The following ATIC variants were observed in gnomAD, a reference collection of about 807,000 sequenced individuals.
ATIC encodes the protein bifunctional purine biosynthesis protein ATIC.
A neutral mutation model predicts 72.5 loss-of-function variants in ATIC; 64 were observed. The ratio of observed to expected loss-of-function variants is 0.88; its 90% CI spans 0.72 to 1.09. ATIC has a LOEUF of 1.09. Among genes scored for constraint, ATIC ranks in the 50% least tolerant of loss-of-function variants. The pLI is 0.00. For synonymous variants in ATIC, 281 were observed against 267.1 expected, an observed-to-expected ratio of 1.05 and a Z score of -0.51; for missense variants, 787 against 732.4, an observed-to-expected ratio of 1.07 and a Z score of -0.86.
chr2:215,317,327 C>T (rs941043310), intron 2 of ATIC, among the ~76,000 whole-genome samples: 1 of 152,148 alleles, frequency 6.6e-6, no homozygotes, highest in Non-Finnish European at 1.5e-5. Flanking sequence ...GCATTCCTCA[C>T]ATATTTAATT....
At chr2:215,326,347 G>A (rs1221136124) in intron 6 of ATIC, among the ~76,000 whole-genome samples, 1 of 152,174 alleles carries the variant, frequency 6.6e-6, no homozygotes, top group African/African-American at 2.4e-5. Context: ...GCTCACGCCT[G>A]TAATCCTAGC....
intron 12 of ATIC, among the ~76,000 whole-genome samples, chr2:215,341,161 ATTC>A (rs2053014652): frequency 6.6e-6 from 1 of 152,210 alleles, no homozygotes; most frequent in Admixed American, 6.5e-5. Flanking sequence ...TTTAATGGAT[ATTC>A]TTTCATTTCT....
the ATIC span, chr2:215,362,130 C>T: frequency 7.3e-7 from 1 of 1,377,402 alleles, no homozygotes; most frequent in Non-Finnish European, 1.0e-6. Flanking sequence ...AACCTGAGGA[C>T]ATCGTAATTT....
intron 2 of ATIC, among the ~76,000 whole-genome samples, chr2:215,314,541 C>G (rs12995105): frequency 0.23 from 35,444 of 151,236 alleles, 5,107 homozygotes; most frequent in South Asian, 0.45. Context: ...TCTTGTTGCT[C>G]AGGCTGGAGT....
intron 2 of ATIC, among the ~76,000 whole-genome samples, chr2:215,315,772 G>T (rs992663798): frequency 1.3e-5 from 2 of 151,962 alleles, no homozygotes; most frequent in African/African-American, 4.8e-5. Flanking sequence ...CCAACATGGT[G>T]CAACTCCATC....
At chr2:215,363,840 A>G in the ATIC span, among the ~76,000 whole-genome samples, 1 of 152,190 alleles carries the variant, frequency 6.6e-6, no homozygotes, top group South Asian at 2.1e-4. Flanking sequence ...TACTGGGCAT[A>G]TTTTAGAAAT....
At chr2:215,349,498 A>C (rs759590504) in intron 15 of ATIC, 38 bp from the exon 16 acceptor site, 21 of 1,613,874 alleles carry the variant, frequency 1.3e-5, no homozygotes, top group Non-Finnish European at 1.6e-5. Flanking sequence ...AGGTTTTTAC[A>C]TAAAATCGCG....
intron 8 of ATIC, 144 bp from the exon 9 acceptor site, chr2:215,333,206 G>A (rs775474198): frequency 7.0e-6 from 5 of 714,952 alleles, no homozygotes; most frequent in Non-Finnish European, 2.5e-6. Flanking sequence ...TAATTATCTG[G>A]CTAAATAGAT....
At chr2:215,338,345 A>T (rs113476069) in intron 11 of ATIC, among the ~76,000 whole-genome samples, 187 of 152,350 alleles carry the variant, frequency 1.2e-3, no homozygotes, top group African/African-American at 4.3e-3. Flanking sequence ...ATTTTTAGAA[A>T]GGAAAATTAG....
At chr2:215,325,203 A>G in intron 4 of ATIC, 38 bp from the exon 5 acceptor site, 1 of 1,525,714 alleles carries the variant, frequency 6.6e-7, no homozygotes, top group Non-Finnish European at 9.1e-7. Context: ...ACATGAGTGG[A>G]CTTTTTAATG....
At chr2:215,357,374 G>A in the ATIC span, among the ~76,000 whole-genome samples, 6 of 152,194 alleles carry the variant, frequency 3.9e-5, no homozygotes, top group East Asian at 1.2e-3. Context: ...TGGCTGCCTC[G>A]TACAGCTTCA....
At chr2:215,325,051 C>G (rs1343994903) in intron 4 of ATIC, 190 bp from the exon 5 acceptor site, 2 of 551,950 alleles carry the variant, frequency 3.6e-6, no homozygotes, top group South Asian at 4.2e-5. Flanking sequence ...TACCTCTGCT[C>G]GACCCCAGCA....
chr2:215,347,665 A>G (rs776245340), intron 14 of ATIC: 1 of 487,754 alleles, frequency 2.1e-6, no homozygotes, highest in Non-Finnish European at 4.1e-6. Flanking sequence ...AGGCTGCAGA[A>G]TGTAACTGAA....
Position 215,349,722 on chromosome 2 carries a change from A to G in ATIC, c.*67A>G. 1 of 1,611,920 alleles carries G rather than the reference A, an allele frequency of 6.2e-7. No individual in the cohort carries two copies. The highest frequency in any genetic ancestry group is 8.5e-7 in the Non-Finnish European group (1 of 1,178,080). ...AACAGTCACGCCTGAAACTTTGAGG[A>G]TAACTTTTTAAAAAAATAAAACAGT... On this transcript the variant is annotated 3_prime_UTR_variant, in exon 16 of 16. Coordinates refer to ENST00000236959, the MANE Select transcript of ATIC (RefSeq NM_004044.7).
chr2:215,328,772 C>T (rs914258575), intron 7 of ATIC, among the ~76,000 whole-genome samples: 2 of 149,496 alleles, frequency 1.3e-5, no homozygotes, highest in Non-Finnish European at 2.9e-5. Flanking sequence ...GGCTGGAGTG[C>T]AGTGGTGCGA....
intron 4 of ATIC, among the ~76,000 whole-genome samples, chr2:215,323,161 G>A (rs1019515534): frequency 6.6e-6 from 1 of 152,040 alleles, no homozygotes; most frequent in Non-Finnish European, 1.5e-5. Context: ...TCGCCAGGAT[G>A]GTCTCGATCT....
At chr2:215,322,749 G>A (rs1456575584) in intron 4 of ATIC, among the ~76,000 whole-genome samples, 1 of 152,084 alleles carries the variant, frequency 6.6e-6, no homozygotes, top group Non-Finnish European at 1.5e-5. Context: ...TATTTTGTAT[G>A]TGGCTGTCTA....
chr2:215,355,253 C>T, the ATIC span, among the ~76,000 whole-genome samples: 1 of 152,032 alleles, frequency 6.6e-6, no homozygotes, highest in Non-Finnish European at 1.5e-5. Flanking sequence ...CACTGGAACC[C>T]CATTAACATA....
chr2:215,321,100 C>A (rs1575114608), intron 4 of ATIC, among the ~76,000 whole-genome samples: 1 of 152,188 alleles, frequency 6.6e-6, no homozygotes, highest in African/African-American at 2.4e-5. Context: ...ATATTCATCA[C>A]CCCCACCCTA....
Sources: gnomAD v4.1 joint callset for allele counts (sites outside exome capture counted in the v4.1 genomes callset) on GRCh38, gnomAD v4.1.1 for gene constraint, MANE v1.5 for transcripts, NCBI Gene and HGNC (gene_info 2026-07-23, HGNC 2026-07-21) for gene names.